The following NPAS2 variants were observed in gnomAD, a reference collection of about 807,000 sequenced individuals.
NPAS2 encodes neuronal PAS domain-containing protein 2.
NPAS2 carries 23 observed loss-of-function variants against 107.5 expected under a neutral mutation model. The observed-to-expected ratio is 0.21, with a 90% CI of 0.15 to 0.30. The LOEUF (loss-of-function observed/expected upper bound fraction) is 0.30, where lower values mean the gene tolerates loss of function less well. Among genes scored for constraint, NPAS2 ranks in the 10% least tolerant of loss-of-function variants. NPAS2 has a pLI of 1.00. For missense variants in NPAS2, 756 were observed against 1,043.3 expected (o/e 0.72, Z 3.79); for synonymous variants, 403 against 417.5 (o/e 0.97, Z 0.42).
At chr2:100,951,186 T>C (rs1376838552) in intron 7 of NPAS2, among the ~76,000 whole-genome samples, 1 of 152,202 alleles carries the variant, frequency 6.6e-6, no homozygotes, top group Non-Finnish European at 1.5e-5. Flanking sequence ...ACCAGTGCCA[T>C]TCTGTGGAGA....
At chr2:100,980,990 T>TGAA (rs3043688) in intron 15 of NPAS2, among the ~76,000 whole-genome samples, 112,231 of 151,758 alleles carry the variant, frequency 0.74, 42,315 homozygotes, top group African/African-American at 0.89. Context: ...GGGCTCGTCG[T>TGAA]GAAGCACAAC....
At chr2:100,833,067 C>G (rs1433044649) in intron 1 of NPAS2, among the ~76,000 whole-genome samples, 1 of 152,202 alleles carries the variant, frequency 6.6e-6, no homozygotes, top group Non-Finnish European at 1.5e-5. Flanking sequence ...TAAAAACATT[C>G]AGCCTGCACC....
chr2:100,977,766 C>G lies in NPAS2; in HGVS notation c.1449C>G (p.Thr483=). ...TCACACAGCAGCTCCTGCCTCAGAC[C>G]GTTCTGCAGAGCACGCCCGCTCCCA... ...CDLTQQLLPQ[T]VLQSTPAPMA... The change falls in exon 15 of 21, where the codon ACC becomes ACG. Residue 483 remains threonine (T), a synonymous_variant. Transcript: ENST00000335681. The G allele has an allele frequency of 1.2e-6, 2 of 1,614,196 alleles. No homozygotes were observed. Among genetic ancestry groups the G allele is most frequent in the East Asian group, 2.2e-5 (1 of 44,882 alleles).
chr2:100,904,381 T>TGTCGTTTTTCAA (rs1681997564), intron 1 of NPAS2, among the ~76,000 whole-genome samples: 1 of 152,248 alleles, frequency 6.6e-6, no homozygotes, highest in Admixed American at 6.5e-5. Context: ...TTTCAAAATA[T>TGTCGTTTTTCAA]AATTAACTCG....
rs1676343501 is a variant in NPAS2 at position 100,968,209 on chromosome 2, C to T, written c.908-72C>T. On this transcript the variant is annotated intron_variant, in intron 10 of 20. Coordinates refer to ENST00000335681, the MANE Select transcript of NPAS2 (RefSeq NM_002518.4). The surrounding 1 kb of genome is among the most constrained non-coding windows in gnomAD (Gnocchi z 5.3). ...CTTTTTTTTTGAAAGCTTATCTTTA[C>T]AATAACTCTTGGGGAAAAGATCATT... 2 of 1,499,034 alleles carry T rather than the reference C, an allele frequency of 1.3e-6. No homozygotes were observed. Among genetic ancestry groups the T allele is most frequent in the Admixed American group, 1.8e-5 (1 of 56,954 alleles). The allele number at this position is 1,499,034 out of a possible 1,614,324, so 92.9% of individuals were successfully genotyped here. A position where few individuals can be genotyped will look rare whatever the true frequency, so the allele number is the denominator to read the frequency against.
chr2:100,934,937 A>T (rs1684203306), intron 4 of NPAS2: 12 of 985,406 alleles, frequency 1.2e-5, no homozygotes, highest in Non-Finnish European at 1.3e-5. Context: ...ATGAGGACAG[A>T]GCCCAGGAGA....
intron 1 of NPAS2, among the ~76,000 whole-genome samples, chr2:100,893,143 C>T (rs574945177): frequency 4.4e-4 from 67 of 152,294 alleles, no homozygotes; most frequent in African/African-American, 1.3e-3. Flanking sequence ...GATAAGTGAG[C>T]GTCGCAGTTC....
intron 7 of NPAS2, among the ~76,000 whole-genome samples, chr2:100,957,889 C>T (rs1675671911): frequency 6.6e-6 from 1 of 152,158 alleles, no homozygotes; most frequent in African/African-American, 2.4e-5. Context: ...GATCGCGCCA[C>T]TGCACTCCAG....
chr2:100,946,374 G>A (rs1445087354), intron 5 of NPAS2, among the ~76,000 whole-genome samples: 1 of 152,166 alleles, frequency 6.6e-6, no homozygotes, highest in Admixed American at 6.5e-5. Context: ...GTCACCTGGG[G>A]CTTTCTCAGA....
rs1676376955 is a variant in NPAS2, at chr2:100,968,728, C to T, written c.1055+300C>T. On this transcript the variant is annotated intron_variant, in intron 11 of 20. Transcript: ENST00000335681. The surrounding 1 kb of genome is among the most constrained non-coding windows in gnomAD (Gnocchi z 5.3). ...CAGGATATTACTTAGTAAGTGACTG[C>T]TTCACTGACCTACTTACATATTTTC... 6.6e-6 allele frequency among the ~76,000 whole-genome samples: 1 copy of T among 152,212 alleles called. No homozygotes were observed. The highest frequency in any genetic ancestry group is 2.1e-4 in the South Asian group (1 of 4,836).
intron 1 of NPAS2, among the ~76,000 whole-genome samples, chr2:100,875,486 AC>A (rs1679902546): frequency 4.6e-5 from 7 of 152,028 alleles, no homozygotes; most frequent in Non-Finnish European, 1.0e-4. Context: ...ACACACACAC[AC>A]ACACACACAC....
intron 17 of NPAS2, chr2:100,989,945 T>G: frequency 3.0e-6 from 1 of 332,312 alleles, no homozygotes; most frequent in South Asian, 4.9e-5. Context: ...AGGGCAGGAG[T>G]AGGCCTGGTG....
intron 1 of NPAS2, among the ~76,000 whole-genome samples, chr2:100,873,307 TACACACACACACACACACACAC>T (rs368306404): frequency 1.3e-3 from 56 of 41,872 alleles, no homozygotes; most frequent in African/African-American, 3.7e-3. Context: ...TATATATATA[TACACACACACACACACACACAC>T]ACACACACAC....
intron 4 of NPAS2, among the ~76,000 whole-genome samples, chr2:100,933,225 C>T (rs992062744): frequency 2.0e-5 from 3 of 152,064 alleles, no homozygotes; most frequent in African/African-American, 7.2e-5. Context: ...ACAGTGACCA[C>T]AGGATGAGCC....
intron 20 of NPAS2, chr2:100,993,838 CA>C (rs1408915711): frequency 2.6e-5 from 8 of 304,502 alleles, no homozygotes; most frequent in Non-Finnish European, 4.8e-5. Flanking sequence ...GTTTTTAGAG[CA>C]AAAGTCGAAA....
chr2:100,884,619 G>A (rs1330811120), intron 1 of NPAS2, among the ~76,000 whole-genome samples: 1 of 152,188 alleles, frequency 6.6e-6, no homozygotes, highest in East Asian at 1.9e-4. Context: ...GTTAATATAA[G>A]ATTTATGACC....
At chr2:100,963,479 C>T (rs1446574) in intron 7 of NPAS2, among the ~76,000 whole-genome samples, 74,960 of 152,000 alleles carry the variant, frequency 0.49, 18,865 homozygotes, top group Middle Eastern at 0.61. Flanking sequence ...TAACTTGGCT[C>T]ATTGCAACCT....
chr2:100,910,846 C>A, intron 2 of NPAS2, among the ~76,000 whole-genome samples: 1 of 152,226 alleles, frequency 6.6e-6, no homozygotes, highest in Non-Finnish European at 1.5e-5. Context: ...TCTTCTTACA[C>A]CAAACTTCTT....
intron 5 of NPAS2, among the ~76,000 whole-genome samples, chr2:100,946,125 G>A (rs938312122): frequency 3.9e-5 from 6 of 152,178 alleles, no homozygotes; most frequent in Admixed American, 6.5e-5. Context: ...GTGCCTAATC[G>A]CACTTGGCAT....
Sources: gnomAD v4.1 joint callset for allele counts (sites outside exome capture counted in the v4.1 genomes callset) on GRCh38, gnomAD v4.1.1 for gene constraint, Gnocchi (gnomAD v3.1) non-coding constraint, MANE v1.5 for transcripts, NCBI Gene and HGNC (gene_info 2026-07-23, HGNC 2026-07-21) for gene names.